PM20D2: variants seen among roughly 807,000 people sequenced by gnomAD.
PM20D2 encodes the protein xaa-Arg dipeptidase.
Under a neutral mutation model 42.9 loss-of-function variants are expected in PM20D2, and 33 were observed. The observed-to-expected ratio is 0.77, with a 90% CI of 0.58 to 1.03. PM20D2 has a LOEUF of 1.03. Among genes scored for constraint, PM20D2 ranks in the 50% least tolerant of loss-of-function variants. PM20D2 has a pLI of 0.00. For synonymous variants in PM20D2, 250 were observed against 228.2 expected, an observed-to-expected ratio of 1.10 and a Z score of -0.86; for missense variants, 548 against 557.0, an observed-to-expected ratio of 0.98 and a Z score of 0.16.
At chr6:89,118,470 G>A in the PM20D2 span, among the ~76,000 whole-genome samples, 8 of 152,018 alleles carry the variant, frequency 5.3e-5, no homozygotes, top group African/African-American at 1.9e-4. Context: ...CCAACTGTGA[G>A]GTCTCGGTTT....
At chr6:89,137,330 C>G in the PM20D2 span, among the ~76,000 whole-genome samples, 16 of 152,244 alleles carry the variant, frequency 1.1e-4, no homozygotes, top group Middle Eastern at 3.4e-3. Flanking sequence ...TGAGACCAGC[C>G]TGGGCAACAT....
chr6:89,131,622 C>A, the PM20D2 span, among the ~76,000 whole-genome samples: 2 of 152,222 alleles, frequency 1.3e-5, no homozygotes, highest in South Asian at 4.1e-4. Flanking sequence ...TGGTTGCAGG[C>A]ATAACTGGAG....
intron 4 of PM20D2, among the ~76,000 whole-genome samples, chr6:89,155,879 TTTTTTTTTTTC>T (rs1480446237): frequency 2.5e-4 from 9 of 35,888 alleles, no homozygotes; most frequent in Non-Finnish European, 4.4e-4. Context: ...ACCTGGCTAA[TTTTTTTTTTTC>T]TTTTTTTTTT....
At chr6:89,140,350 C>G in the PM20D2 span, among the ~76,000 whole-genome samples, 1 of 152,174 alleles carries the variant, frequency 6.6e-6, no homozygotes, top group Non-Finnish European at 1.5e-5. Context: ...AACCCTGTGA[C>G]CATCTATACC....
At chr6:89,147,728 A>AT (rs1173892639) in intron 1 of PM20D2, among the ~76,000 whole-genome samples, 9 of 125,540 alleles carry the variant, frequency 7.2e-5, no homozygotes, top group African/African-American at 1.4e-4. Flanking sequence ...ACTAAAATAT[A>AT]TTAAAAAAAA....
At chr6:89,124,359 T>C in the PM20D2 span, among the ~76,000 whole-genome samples, 1 of 152,342 alleles carries the variant, frequency 6.6e-6, no homozygotes, top group Non-Finnish European at 1.5e-5. Context: ...AACTAAATAG[T>C]ACCACCACTG....
intron 4 of PM20D2, among the ~76,000 whole-genome samples, chr6:89,157,859 T>C (rs1004147266): frequency 2.6e-5 from 4 of 151,964 alleles, no homozygotes; most frequent in African/African-American, 9.7e-5. Context: ...CAAAAACAAT[T>C]AGCTGGGCTT....
chr6:89,118,814 C>T, the PM20D2 span, among the ~76,000 whole-genome samples: 108 of 152,298 alleles, frequency 7.1e-4, 1 homozygote, highest in African/African-American at 2.5e-3. Flanking sequence ...AACGAATGTA[C>T]AAATGAATAC....
At chr6:89,102,108 AATG>A in the PM20D2 span, among the ~76,000 whole-genome samples, 1 of 151,388 alleles carries the variant, frequency 6.6e-6, no homozygotes, top group Admixed American at 6.6e-5. Context: ...TTCTTTGGAG[AATG>A]ATAACACCAT....
the PM20D2 span, among the ~76,000 whole-genome samples, chr6:89,112,102 G>A: frequency 1.1e-3 from 161 of 151,376 alleles, 2 homozygotes; most frequent in African/African-American, 3.7e-3. Context: ...CCTCCTCCCC[G>A]GTTCAAGAGA....
At position 89,162,363 on chromosome 6, in the gene PM20D2, A is replaced by AAAAG; in HGVS notation, c.*102_*103insAGAA. ...CTTGTTTTTTAATCTTAAAGGAGTA[A>AAAAG]AATTCTTTTTACCTGATAAGTGAGG... is the stretch of plus-strand genomic sequence containing the variant. On this transcript the variant is annotated 3_prime_UTR_variant, in exon 7 of 7. Coordinates refer to ENST00000275072, the MANE Select transcript of PM20D2 (RefSeq NM_001010853.3). 8.2e-7 allele frequency: 1 copy of AAAAG among 1,219,444 alleles called. No homozygotes were observed. Among genetic ancestry groups the AAAAG allele is most frequent in the Non-Finnish European group, 1.1e-6 (1 of 886,554 alleles). The allele number at this position is 1,219,444 out of a possible 1,614,324, so 75.5% of individuals were successfully genotyped here. A position where few individuals can be genotyped will look rare whatever the true frequency, so the allele number is the denominator to read the frequency against.
chr6:89,126,424 G>A, the PM20D2 span, among the ~76,000 whole-genome samples: 2 of 151,786 alleles, frequency 1.3e-5, no homozygotes, highest in Non-Finnish European at 2.9e-5. Flanking sequence ...GGTGGCTCAC[G>A]CCTGTAATCC....
rs1771376880 is a variant in PM20D2 at position 89,165,131 on chromosome 6, G to T, written c.*2868G>T. 1 of 151,504 alleles carries T rather than the reference G, an allele frequency of 6.6e-6. No homozygotes were observed. Among genetic ancestry groups the T allele is most frequent in the Admixed American group, 6.6e-5 (1 of 15,210 alleles). 9.4% of individuals were successfully genotyped at this position (151,504 alleles called of 1,614,324 possible). A position where few individuals can be genotyped will look rare whatever the true frequency, so the allele number is the denominator to read the frequency against. ...TCAGTCATTTTGAACAAAAGAAATT[G>T]ATACAATAAGTTTTTTTTTTTAAGG... On this transcript the variant is annotated 3_prime_UTR_variant, in exon 7 of 7. Transcript: ENST00000275072.
chr6:89,129,136 G>A, the PM20D2 span, among the ~76,000 whole-genome samples: 2 of 152,162 alleles, frequency 1.3e-5, no homozygotes, highest in Non-Finnish European at 2.9e-5. Flanking sequence ...TCATTGAGGG[G>A]TTATTCCTGC....
rs1181631354 is a variant in PM20D2 at position 89,146,260 on chromosome 6, G to A, written c.116G>A (p.Gly39Glu). The A allele has an allele frequency of 1.3e-6, 2 of 1,580,018 alleles. No individual in the cohort carries two copies. The highest frequency in any genetic ancestry group is 1.7e-6 in the Non-Finnish European group (2 of 1,170,902). Reference protein sequence around the residue: ...ECIDEAAERLGALSRAIWSQP... With the variant: ...ECIDEAAERLEALSRAIWSQP... ...ATCGACGAGGCGGCCGAGCGGCTGG[G>A]GGCCCTGAGCCGCGCGATCTGGAGC... The change falls in exon 1 of 7, where the codon GGG becomes GAG. Residue 39 changes from glycine (G) to glutamate (E), a missense_variant. By Grantham distance (98) the Gly-to-Glu change is moderately conservative. This residue lies in a region of PM20D2 where 470 missense variants were observed against 464.4 expected (regional missense o/e 1.01). Transcript: ENST00000275072.
the PM20D2 span, among the ~76,000 whole-genome samples, chr6:89,110,904 C>G: frequency 6.6e-6 from 1 of 151,950 alleles, no homozygotes; most frequent in African/African-American, 2.4e-5. Context: ...CTACTTGAGC[C>G]CAGGAGTTCA....
rs911267396 is a variant in PM20D2 at position 89,164,939 on chromosome 6, A to G, written c.*2676A>G. 31 of 94,996 alleles carry G rather than the reference A, an allele frequency of 3.3e-4. No individual in the cohort carries two copies. Among genetic ancestry groups the G allele is most frequent in the Middle Eastern group, 4.7e-3 (1 of 214 alleles). The allele number at this position is 94,996 out of a possible 1,614,324, so 5.9% of individuals were successfully genotyped here. A position where few individuals can be genotyped will look rare whatever the true frequency, so the allele number is the denominator to read the frequency against. ...TGTGCCTGTAAAAAAAAAAAAAAAAAAAAGAAAAGAAAAGACACTGTTGCA... is the reference window on the plus strand; with the variant it reads ...TGTGCCTGTAAAAAAAAAAAAAAAAGAAAGAAAAGAAAAGACACTGTTGCA... On this transcript the variant is annotated 3_prime_UTR_variant, in exon 7 of 7. Transcript: ENST00000275072.
At chr6:89,095,488 T>C in the PM20D2 span, among the ~76,000 whole-genome samples, 2 of 152,196 alleles carry the variant, frequency 1.3e-5, no homozygotes, top group South Asian at 4.1e-4. Flanking sequence ...CAGCCAGAAA[T>C]TTAATGTAGT....
chr6:89,147,487 G>C (rs1053451756), intron 1 of PM20D2, among the ~76,000 whole-genome samples: 53 of 151,958 alleles, frequency 3.5e-4, no homozygotes, highest in African/African-American at 1.3e-3. Flanking sequence ...GTCTCTGGAG[G>C]CTCGTTTTTG....
Sources: gnomAD v4.1 joint callset for allele counts (sites outside exome capture counted in the v4.1 genomes callset) on GRCh38, gnomAD v4.1.1 for gene constraint, gnomAD v4.1.1 regional missense constraint, MANE v1.5 for transcripts, NCBI Gene and HGNC (gene_info 2026-07-23, HGNC 2026-07-21) for gene names.